Variants in HYLS1 observed in about 807,000 individuals in gnomAD.
HYLS1 encodes the protein HYLS1 centriolar and ciliogenesis associated.
HYLS1 carries 25 observed loss-of-function variants against 29.4 expected under a neutral mutation model. The ratio of observed to expected loss-of-function variants is 0.85; its 90% CI spans 0.62 to 1.19. The LOEUF is 1.19. Among genes scored for constraint, HYLS1 ranks in the 50% most tolerant of loss-of-function variants. The pLI is 0.00. For missense variants in HYLS1, 352 were observed against 365.1 expected (o/e 0.96, Z 0.29); for synonymous variants, 128 against 126.7 (o/e 1.01, Z -0.07).
intron 2 of HYLS1, chr11:125,899,024 A>C: frequency 4.4e-6 from 1 of 227,782 alleles, no homozygotes; most frequent in African/African-American, 2.2e-5. Context: ...TACCTGTTAC[A>C]TAATGTGCAT....
At chr11:125,886,919 C>CCAAAAA (rs1944314170), upstream of HYLS1, 1 of 84,768 alleles carries the variant, frequency 1.2e-5, no homozygotes, top group Non-Finnish European at 2.2e-5. Context: ...AACTCCGTCT[C>CCAAAAA]AAAAAAAAAA....
chr11:125,893,686 T>C (rs80185627), intron 2 of HYLS1: 141,315 of 806,480 alleles, frequency 0.18, 15,918 homozygotes, highest in Admixed American at 0.29. Context: ...TAAGAGCTGA[T>C]CATCTGAATT....
In HYLS1 at chr11:125,896,222, C is replaced by T. The variant is rs1039671217; in HGVS notation, c.-25-3122C>T. ...TTTTAAGTCTTTGCACCTCTTGCTC[C>T]AGTTCTCGTACTCTTTTTAGGAGCT... On this transcript the variant is annotated intron_variant, in intron 2 of 2. Transcript: ENST00000425380. The T allele has an allele frequency of 5.6e-6, 9 of 1,614,060 alleles. No homozygotes were observed. The highest frequency in any genetic ancestry group is 4.5e-5 in the East Asian group (2 of 44,868).
rs759153895 is a variant in HYLS1, at chr11:125,899,383, A to G, written c.15A>G (p.Leu5=). 12 of 1,613,972 alleles carry G rather than the reference A, an allele frequency of 7.4e-6. No individual in the cohort carries two copies. The highest frequency in any genetic ancestry group is 3.3e-5 in the South Asian group (3 of 91,074). The part of the protein sequence containing the change: MEEL[L]PDGQIWANMD... ...TAGGGGAAGCAATGGAAGAACTTCT[A>G]CCTGATGGACAAATATGGGCTAATA... is the stretch of plus-strand genomic sequence containing the variant. The change falls in exon 3 of 3, where the codon CTA becomes CTG. Residue 5 remains leucine (L), a synonymous_variant. Coordinates refer to ENST00000425380, the MANE Select transcript of HYLS1 (RefSeq NM_001134793.2).
chr11:125,900,409 C>A lies in HYLS1; in HGVS notation c.*141C>A. The A allele has an allele frequency of 1.3e-6, 1 of 741,440 alleles. No homozygotes were observed. Among genetic ancestry groups the A allele is most frequent in the Non-Finnish European group, 2.3e-6 (1 of 438,344 alleles). The allele number at this position is 741,440 out of a possible 1,614,324, so 45.9% of individuals were successfully genotyped here. ...TTCACCTATCATTGGTCTTTCCTAG[C>A]TATATATCACATTGGTATCAGATGA... On this transcript the variant is annotated 3_prime_UTR_variant, in exon 3 of 3. Transcript: ENST00000425380.
At chr11:125,887,219 C>T (rs1465779294), upstream of HYLS1, 2 of 152,458 alleles carry the variant, frequency 1.3e-5, no homozygotes, top group African/African-American at 2.4e-5. Context: ...TGAGCGCCCG[C>T]CCTCGTCTCC....
At chr11:125,886,065 C>G (rs181098948), upstream of HYLS1, among the ~76,000 whole-genome samples, 2 of 152,042 alleles carry the variant, frequency 1.3e-5, no homozygotes, top group African/African-American at 4.8e-5. Context: ...AAATGTAATG[C>G]GCTTGAATCA....
chr11:125,892,270 AG>A (rs1441814609), intron 2 of HYLS1, among the ~76,000 whole-genome samples: 1 of 152,222 alleles, frequency 6.6e-6, no homozygotes, highest in East Asian at 1.9e-4. Flanking sequence ...TCATTCTCTG[AG>A]GTGGCATTTG....
upstream of HYLS1, among the ~76,000 whole-genome samples, chr11:125,885,683 C>G (rs1400211679): frequency 2.0e-5 from 3 of 152,226 alleles, no homozygotes; most frequent in Admixed American, 1.3e-4. Context: ...CCCCAACCCC[C>G]AGGCCACGGA....
At chr11:125,884,579 G>C (rs1000136018), upstream of HYLS1, among the ~76,000 whole-genome samples, 2 of 152,192 alleles carry the variant, frequency 1.3e-5, no homozygotes, top group South Asian at 2.1e-4. Flanking sequence ...ACTGCAGTCC[G>C]GCCTGGGTGA....
chr11:125,900,142 A>G lies in HYLS1; in HGVS notation c.774A>G (p.Ile258Met), dbSNP rs368940854. 8.7e-6 allele frequency: 14 copies of G among 1,614,068 alleles called. No individual in the cohort carries two copies. Among genetic ancestry groups the G allele is most frequent in the Non-Finnish European group, 1.1e-5 (13 of 1,180,040 alleles). ...RAEPQSKPQH[I>M]YVPNNYLVPT... ...AACCCCAATCCAAACCTCAGCATAT[A>G]TATGTCCCAAACAATTATCTAGTAC... The change falls in exon 3 of 3, where the codon ATA becomes ATG. Residue 258 changes from isoleucine (I) to methionine (M), a missense_variant. Transcript: ENST00000425380.
At chr11:125,889,647 G>T (rs1944374431) in intron 1 of HYLS1, among the ~76,000 whole-genome samples, 1 of 152,022 alleles carries the variant, frequency 6.6e-6, no homozygotes, top group Admixed American at 6.5e-5. Context: ...TGAGGCAGGA[G>T]AATCGCTTGA....
rs1487794000 is a variant in HYLS1 at position 125,900,271 on chromosome 11, C to A, written c.*3C>A. On this transcript the variant is annotated 3_prime_UTR_variant, in exon 3 of 3. Transcript: ENST00000425380. ...CCTTCCCTCTTTCTCCTTCTTAAATCTTTTTAAACTTCTTTCACAGGATTG... is the reference window on the plus strand; with the variant it reads ...CCTTCCCTCTTTCTCCTTCTTAAATATTTTTAAACTTCTTTCACAGGATTG... The A allele has an allele frequency of 6.2e-7, 1 of 1,613,692 alleles. No homozygotes were observed. Among genetic ancestry groups the A allele is most frequent in the Non-Finnish European group, 8.5e-7 (1 of 1,179,682 alleles).
chr11:125,892,992 TCTGA>T (rs767591126), intron 2 of HYLS1, among the ~76,000 whole-genome samples: 5 of 152,238 alleles, frequency 3.3e-5, no homozygotes, highest in Non-Finnish European at 7.3e-5. Flanking sequence ...AACTGGATCT[TCTGA>T]CTTAGACACA....
At chr11:125,886,572 ATTTTTTT>A (rs68098484), upstream of HYLS1, among the ~76,000 whole-genome samples, 574 of 117,414 alleles carry the variant, frequency 4.9e-3, 9 homozygotes, top group East Asian at 0.018. Flanking sequence ...CAAGCACTAG[ATTTTTTT>A]TTTTTTTTTT....
At chr11:125,891,900 C>A (rs186134776) in intron 2 of HYLS1, among the ~76,000 whole-genome samples, 1 of 152,150 alleles carries the variant, frequency 6.6e-6, no homozygotes, top group Non-Finnish European at 1.5e-5. Context: ...GGTCCACCCC[C>A]CTTCTGTAGC....
chr11:125,886,180 A>G (rs561130055), upstream of HYLS1, among the ~76,000 whole-genome samples: 1 of 152,132 alleles, frequency 6.6e-6, no homozygotes, highest in Non-Finnish European at 1.5e-5. Flanking sequence ...GAGTGTTATG[A>G]TATTGCAGAT....
upstream of HYLS1, among the ~76,000 whole-genome samples, chr11:125,884,623 A>G (rs1314257586): frequency 6.6e-6 from 1 of 152,198 alleles, no homozygotes; most frequent in Non-Finnish European, 1.5e-5. Context: ...ACAAACAAAC[A>G]AACAAAAATA....
upstream of HYLS1, among the ~76,000 whole-genome samples, chr11:125,884,185 A>T (rs550377747): frequency 2.0e-5 from 3 of 152,384 alleles, no homozygotes; most frequent in East Asian, 5.8e-4. Context: ...TATGGATTTG[A>T]CATATCATGT....
Sources: allele counts gnomAD v4.1 joint callset (sites outside exome capture counted in the v4.1 genomes callset), GRCh38; gene constraint gnomAD v4.1.1; transcripts MANE v1.5; gene names NCBI Gene and HGNC (gene_info 2026-07-23, HGNC 2026-07-21).